Variants in CNTN5 observed in about 807,000 individuals in gnomAD.
The protein encoded by CNTN5 is contactin 5, also known as contactin-5.
A neutral mutation model predicts 129.1 loss-of-function variants in CNTN5; 77 were observed. The observed-to-expected ratio is 0.60, with a 90% CI of 0.50 to 0.72. CNTN5 has a LOEUF of 0.72. Ranked by LOEUF, CNTN5 falls within the 30% of genes least tolerant of loss-of-function variation. The pLI, the probability that CNTN5 is intolerant of heterozygous loss-of-function variation, is 0.00. For synonymous variants in CNTN5, 509 were observed against 465.6 expected, an observed-to-expected ratio of 1.09 and a Z score of -1.20; for missense variants, 1,478 against 1,328.8, an observed-to-expected ratio of 1.11 and a Z score of -1.75.
intron 1 of CNTN5, among the ~76,000 whole-genome samples, chr11:99,244,658 A>G (rs1387187334): frequency 6.6e-6 from 1 of 152,172 alleles, no homozygotes; most frequent in Non-Finnish European, 1.5e-5. Context: ...GCATGAGATC[A>G]CCAGAAAGGT....
intron 10 of CNTN5, among the ~76,000 whole-genome samples, chr11:100,066,013 A>T (rs1485138646): frequency 6.6e-6 from 1 of 152,082 alleles, no homozygotes; most frequent in East Asian, 1.9e-4. Flanking sequence ...ATCCTGTTTT[A>T]TGGAGAAAAA....
intron 13 of CNTN5, among the ~76,000 whole-genome samples, chr11:100,102,763 T>C (rs996904164): frequency 1.3e-5 from 2 of 152,152 alleles, no homozygotes; most frequent in Admixed American, 1.3e-4. Flanking sequence ...GACTGTAAGA[T>C]TTTTAATTAG....
chr11:100,123,672 G>A (rs1946095535), intron 13 of CNTN5, among the ~76,000 whole-genome samples: 1 of 151,888 alleles, frequency 6.6e-6, no homozygotes, highest in Non-Finnish European at 1.5e-5. Context: ...TTGAGGAACA[G>A]AAAAGATATT....
At chr11:100,067,333 T>C (rs1337780234) in intron 10 of CNTN5, among the ~76,000 whole-genome samples, 2 of 152,132 alleles carry the variant, frequency 1.3e-5, no homozygotes, top group African/African-American at 4.8e-5. Context: ...TGTATGTTTA[T>C]GCGTTTGTGT....
intron 21 of CNTN5, among the ~76,000 whole-genome samples, chr11:100,333,200 A>C (rs1284106248): frequency 6.6e-6 from 1 of 152,114 alleles, no homozygotes; most frequent in East Asian, 1.9e-4. Flanking sequence ...AAATAAAAAT[A>C]AAATACTTAG....
intron 1 of CNTN5, among the ~76,000 whole-genome samples, chr11:99,052,581 A>G (rs1427068791): frequency 2.0e-5 from 3 of 151,852 alleles, no homozygotes; most frequent in Non-Finnish European, 4.4e-5. Flanking sequence ...TTCTAAGAAC[A>G]TATCCCTATC....
intron 3 of CNTN5, among the ~76,000 whole-genome samples, chr11:99,659,920 A>G (rs1342669363): frequency 6.6e-6 from 1 of 152,136 alleles, no homozygotes; most frequent in Admixed American, 6.6e-5. Context: ...TTATTGATTG[A>G]AACAAGAAAA....
At chr11:100,195,353 T>A (rs989560579) in intron 15 of CNTN5, among the ~76,000 whole-genome samples, 26 of 152,178 alleles carry the variant, frequency 1.7e-4, no homozygotes, top group Non-Finnish European at 3.5e-4. Context: ...TGAAGTTACA[T>A]GAATTATTGT....
chr11:99,559,741 A>T (rs916434599), intron 3 of CNTN5, among the ~76,000 whole-genome samples: 6 of 152,208 alleles, frequency 3.9e-5, no homozygotes, highest in Non-Finnish European at 8.8e-5. Context: ...ATCCACACAA[A>T]AACTACCATA....
intron 13 of CNTN5, among the ~76,000 whole-genome samples, chr11:100,135,080 C>T: frequency 6.6e-6 from 1 of 151,246 alleles, no homozygotes; most frequent in Non-Finnish European, 1.5e-5. Flanking sequence ...TCTTGGGATT[C>T]TAAAGACATA....
At position 100,299,388 on chromosome 11, in the gene CNTN5, C is replaced by T. The variant is rs571832568; in HGVS notation, c.2612C>T (p.Ala871Val). 6.3e-7 allele frequency: 1 copy of T among 1,580,760 alleles called. No individual in the cohort carries two copies. The highest frequency in any genetic ancestry group is 1.4e-5 in the African/African-American group (1 of 73,120). The change falls in exon 20 of 25, where the codon GCT becomes GTT. Residue 871 changes from alanine (A) to valine (V), a missense_variant. By Grantham distance (64) the Ala-to-Val change is moderately conservative. Coordinates refer to ENST00000524871, the MANE Select transcript of CNTN5 (RefSeq NM_014361.4). ...PFSQIVVICS[A>V]EGEPSAAPTD... ...AGTCAAATTGTGGTCATCTGTTCAG[C>T]TGAAGGAGGTCAGTTTTTTTATTCC...
At chr11:99,189,534 C>T (rs989926869) in intron 1 of CNTN5, among the ~76,000 whole-genome samples, 4 of 151,544 alleles carry the variant, frequency 2.6e-5, no homozygotes, top group African/African-American at 7.3e-5. Flanking sequence ...TCTCCATATC[C>T]GTGTCAACAC....
intron 2 of CNTN5, among the ~76,000 whole-genome samples, chr11:99,358,787 T>G (rs1054407343): frequency 6.6e-6 from 1 of 152,156 alleles, no homozygotes; most frequent in African/African-American, 2.4e-5. Context: ...TTTACTAATA[T>G]TACCTGTCAA....
intron 1 of CNTN5, among the ~76,000 whole-genome samples, chr11:99,121,091 A>G (rs933856216): frequency 7.2e-5 from 11 of 151,830 alleles, no homozygotes; most frequent in Non-Finnish European, 1.3e-4. Context: ...TACTACAGGA[A>G]TAAGTAGGAA....
At chr11:100,054,141 T>C (rs1345948896) in intron 9 of CNTN5, among the ~76,000 whole-genome samples, 2 of 151,684 alleles carry the variant, frequency 1.3e-5, no homozygotes, top group African/African-American at 4.8e-5. Context: ...ATTGTTCTCA[T>C]GGTAAAGGCA....
chr11:100,271,771 GA>G (rs1347403430), intron 18 of CNTN5, among the ~76,000 whole-genome samples: 2 of 152,118 alleles, frequency 1.3e-5, no homozygotes, highest in African/African-American at 4.8e-5. Flanking sequence ...CCTTGACTTT[GA>G]AAACATTACA....
intron 2 of CNTN5, among the ~76,000 whole-genome samples, chr11:99,449,490 G>T (rs190313722): frequency 6.4e-4 from 98 of 152,244 alleles, no homozygotes; most frequent in Middle Eastern, 3.4e-3. Flanking sequence ...AATACTTAAG[G>T]AGTTTGCCAA....
chr11:99,475,670 A>G (rs1184986036), intron 2 of CNTN5, among the ~76,000 whole-genome samples: 5 of 152,108 alleles, frequency 3.3e-5, no homozygotes, highest in African/African-American at 9.7e-5. Flanking sequence ...TACCTCTAGT[A>G]TGACATCATT....
intron 17 of CNTN5, among the ~76,000 whole-genome samples, chr11:100,265,643 G>C (rs567246929): frequency 1.3e-5 from 2 of 152,200 alleles, no homozygotes; most frequent in Non-Finnish European, 2.9e-5. Flanking sequence ...ACCAAAATGA[G>C]CATAAAAAAT....
Sources: gnomAD v4.1 joint callset for allele counts (sites outside exome capture counted in the v4.1 genomes callset) on GRCh38, gnomAD v4.1.1 for gene constraint, MANE v1.5 for transcripts, NCBI Gene and HGNC (gene_info 2026-07-23, HGNC 2026-07-21) for gene names.